Variants in VPS13C observed in about 807,000 individuals in gnomAD.
VPS13C encodes vacuolar protein sorting 13 homolog C.
Under a neutral mutation model 456.8 loss-of-function variants are expected in VPS13C, and 358 were observed. The observed-to-expected ratio is 0.78, with a 90% confidence interval of 0.72 to 0.86. The LOEUF is 0.86. Among genes scored for constraint, VPS13C ranks in the 40% least tolerant of loss-of-function variants. The probability of loss-of-function intolerance (pLI) is 0.00; values close to 1 mark genes in which losing one functional copy is unlikely to be tolerated. For missense variants in VPS13C, 4,818 were observed against 4,385.4 expected (o/e 1.10, Z -2.79); for synonymous variants, 1,578 against 1,486.7 (o/e 1.06, Z -1.41).
intron 16 of VPS13C, among the ~76,000 whole-genome samples, chr15:61,996,140 C>T (rs2046379328): frequency 6.6e-6 from 1 of 152,166 alleles, no homozygotes; most frequent in Non-Finnish European, 1.5e-5. Context: ...AAATCTCAGT[C>T]TAATACAAGC....
chr15:62,013,487 A>G (rs1470892708), intron 10 of VPS13C, among the ~76,000 whole-genome samples: 1 of 151,914 alleles, frequency 6.6e-6, no homozygotes, highest in South Asian at 2.1e-4. Context: ...GTAGCAGAGG[A>G]GTCTATGGTC....
At chr15:62,013,781 A>C (rs2047127995) in intron 10 of VPS13C, 152 bp downstream of exon 10, 1 of 529,826 alleles carries the variant, frequency 1.9e-6, no homozygotes, top group Non-Finnish European at 3.4e-6. Flanking sequence ...AAGTGATTAC[A>C]GAGGGTCACA....
intron 9 of VPS13C, among the ~76,000 whole-genome samples, chr15:62,019,106 T>G (rs2047364497): frequency 6.6e-6 from 1 of 152,044 alleles, no homozygotes; most frequent in African/African-American, 2.4e-5. Context: ...TGATGGTAGT[T>G]TTGTATTTCT....
intron 36 of VPS13C, 77 bp from the exon 37 acceptor site, chr15:61,958,793 C>T: frequency 1.4e-6 from 1 of 737,480 alleles, no homozygotes. Context: ...AATAAATTCC[C>T]ATTTGCAACA....
intron 1 of VPS13C, among the ~76,000 whole-genome samples, chr15:62,055,545 A>C (rs2048761387): frequency 6.6e-6 from 1 of 151,704 alleles, no homozygotes; most frequent in East Asian, 1.9e-4. Context: ...CTGGCCTCTC[A>C]ACCTTTTTTA....
At chr15:61,993,067 T>C (rs1277956483) in intron 16 of VPS13C, among the ~76,000 whole-genome samples, 1 of 152,152 alleles carries the variant, frequency 6.6e-6, no homozygotes, top group Non-Finnish European at 1.5e-5. Context: ...TCTGAGTTTT[T>C]CCACTTTTAA....
intron 82 of VPS13C, among the ~76,000 whole-genome samples, chr15:61,860,751 C>A (rs553961472): frequency 6.6e-6 from 1 of 151,948 alleles, no homozygotes; most frequent in South Asian, 2.1e-4. Flanking sequence ...GTAAAATGTG[C>A]CAGCTAATGG....
intron 67 of VPS13C, among the ~76,000 whole-genome samples, chr15:61,887,134 CAG>C (rs139641843): frequency 0.069 from 10,557 of 152,184 alleles, 568 homozygotes; most frequent in East Asian, 0.21. Context: ...ACTGTCTAAA[CAG>C]AAAATCCCAA....
chr15:62,024,727 C>T (rs1296566942), intron 6 of VPS13C, among the ~76,000 whole-genome samples: 1 of 152,126 alleles, frequency 6.6e-6, no homozygotes, highest in Non-Finnish European at 1.5e-5. Context: ...ACAATAAAGT[C>T]CTTTTATGAT....
At chr15:62,046,844 C>G (rs1016961331) in intron 1 of VPS13C, among the ~76,000 whole-genome samples, 1 of 152,026 alleles carries the variant, frequency 6.6e-6, no homozygotes, top group Non-Finnish European at 1.5e-5. Flanking sequence ...ACCAATATGG[C>G]TAATAGAGTT....
intron 61 of VPS13C, among the ~76,000 whole-genome samples, chr15:61,914,061 T>C (rs1033004176): frequency 6.6e-6 from 1 of 152,202 alleles, no homozygotes; most frequent in African/African-American, 2.4e-5. Flanking sequence ...TGCCCTTGTA[T>C]TAATCTCACC....
At chr15:61,973,590 A>C in intron 25 of VPS13C, 58 bp from the exon 26 acceptor site, 6 of 1,302,798 alleles carry the variant, frequency 4.6e-6, no homozygotes, top group Non-Finnish European at 5.5e-6. Context: ...ATTAAATGTC[A>C]TAAATGAGAG....
At chr15:62,033,217 G>T (rs192793892) in intron 5 of VPS13C, among the ~76,000 whole-genome samples, 1 of 151,442 alleles carries the variant, frequency 6.6e-6, no homozygotes, top group East Asian at 1.9e-4. Flanking sequence ...ATTAAGAAAA[G>T]TGGAAAAATC....
At chr15:61,930,754 A>G (rs1033898271) in intron 50 of VPS13C, among the ~76,000 whole-genome samples, 4 of 152,224 alleles carry the variant, frequency 2.6e-5, no homozygotes, top group Non-Finnish European at 5.9e-5. Context: ...CCATAGCTTG[A>G]AGGCTTTTTA....
chr15:61,954,392 C>G (rs2044911595), intron 38 of VPS13C, 29 bp downstream of exon 38: 1 of 1,597,266 alleles, frequency 6.3e-7, no homozygotes, highest in Non-Finnish European at 8.5e-7. Flanking sequence ...ATTCACCTCA[C>G]TTTACAAAAA....
chr15:61,985,936 TA>T (rs2046037360), intron 18 of VPS13C, among the ~76,000 whole-genome samples: 2 of 152,112 alleles, frequency 1.3e-5, no homozygotes, highest in Admixed American at 1.3e-4. Context: ...AAAGCACTGC[TA>T]AAACACATTC....
intron 1 of VPS13C, among the ~76,000 whole-genome samples, chr15:62,052,126 C>A (rs1396856832): frequency 6.6e-6 from 1 of 152,092 alleles, no homozygotes; most frequent in East Asian, 1.9e-4. Context: ...AACACAAAAA[C>A]CATCCAACAA....
intron 55 of VPS13C, 95 bp downstream of exon 55, chr15:61,921,852 G>A (rs768513402): frequency 3.1e-6 from 4 of 1,283,374 alleles, no homozygotes; most frequent in South Asian, 1.3e-5. Context: ...GGGCTTCAAG[G>A]ATCCTAGACC....
chr15:61,861,900 G>A (rs1335968297), intron 82 of VPS13C, among the ~76,000 whole-genome samples: 4 of 152,140 alleles, frequency 2.6e-5, no homozygotes, highest in African/African-American at 9.7e-5. Context: ...AGGAGTTCAA[G>A]ACTAGCCTGG....
Sources: gnomAD v4.1 joint callset for allele counts (sites outside exome capture counted in the v4.1 genomes callset) on GRCh38, gnomAD v4.1.1 for gene constraint, MANE v1.5 for transcripts, NCBI Gene and HGNC (gene_info 2026-07-23, HGNC 2026-07-21) for gene names.